The following MCF2L variants were observed in gnomAD, a reference collection of about 807,000 sequenced individuals.
The protein encoded by MCF2L is MCF.2 cell line derived transforming sequence like.
A neutral mutation model predicts 153.4 loss-of-function variants in MCF2L; 97 were observed. The observed-to-expected ratio is 0.63, with a 90% confidence interval of 0.54 to 0.75. The LOEUF (loss-of-function observed/expected upper bound fraction) is 0.75, where lower values mean the gene tolerates loss of function less well. MCF2L is among the 30% of genes least tolerant of loss of function. The probability of loss-of-function intolerance (pLI) is 0.00; values close to 1 mark genes in which losing one functional copy is unlikely to be tolerated. For synonymous variants in MCF2L, 659 were observed against 632.2 expected (o/e 1.04, Z -0.64); for missense variants, 1,347 against 1,495.2 (o/e 0.90, Z 1.64).
At chr13:112,979,021 G>A (rs975047229) in intron 1 of MCF2L, among the ~76,000 whole-genome samples, 1 of 152,242 alleles carries the variant, frequency 6.6e-6, no homozygotes, top group Non-Finnish European at 1.5e-5. Context: ...GGTGGGAGCT[G>A]CTGGCTTGGG....
intron 1 of MCF2L, among the ~76,000 whole-genome samples, chr13:112,990,057 C>T (rs995618622): frequency 3.9e-5 from 6 of 152,198 alleles, no homozygotes; most frequent in Non-Finnish European, 8.8e-5. Context: ...CTCACTCACC[C>T]GCCACTCACC....
intron 26 of MCF2L, chr13:113,091,004 G>C: frequency 8.0e-7 from 1 of 1,255,298 alleles, no homozygotes; most frequent in Non-Finnish European, 1.0e-6. Flanking sequence ...TCGGTGGAAA[G>C]GGGCCACAAC....
At chr13:113,038,464 CA>C (rs59638426) in intron 3 of MCF2L, among the ~76,000 whole-genome samples, 81,466 of 111,752 alleles carry the variant, frequency 0.73, 27,651 homozygotes, top group Middle Eastern at 0.83. Context: ...GCCTCCATCT[CA>C]AAAAAAAAAA....
At chr13:113,072,792 G>A (rs1169838153) in intron 9 of MCF2L, among the ~76,000 whole-genome samples, 1 of 151,908 alleles carries the variant, frequency 6.6e-6, no homozygotes, top group Non-Finnish European at 1.5e-5. Context: ...CAAAGAACTC[G>A]TTCTTTGTTT....
chr13:112,963,434 G>A (rs549679377), intron 2 of MCF2L, among the ~76,000 whole-genome samples: 7 of 152,292 alleles, frequency 4.6e-5, no homozygotes, highest in African/African-American at 1.4e-4. Context: ...ACTCCACAGC[G>A]CGGCATGGCT....
In MCF2L at chr13:113,097,636, T is replaced by C. The variant is rs1474509405; in HGVS notation, c.*777T>C. 3 of 149,838 alleles carry C rather than the reference T, an allele frequency of 2.0e-5. No homozygotes were observed. The highest frequency in any genetic ancestry group is 4.4e-5 in the Non-Finnish European group (3 of 67,786). 9.3% of individuals were successfully genotyped at this position (149,838 alleles called of 1,614,324 possible). ...TTTCAAAAGAAAATTTAAACTATAA[T>C]TTAAACAATTAACGTTCTTTTCTAC... On this transcript the variant is annotated 3_prime_UTR_variant, in exon 30 of 30. Coordinates refer to ENST00000535094, the MANE Select transcript of MCF2L (RefSeq NM_001112732.3).
chr13:113,036,090 T>C (rs1313169933), intron 3 of MCF2L, among the ~76,000 whole-genome samples: 4 of 152,176 alleles, frequency 2.6e-5, no homozygotes, highest in Non-Finnish European at 4.4e-5. Context: ...TTTGTTATTA[T>C]AGACAACACT....
chr13:113,042,761 C>G (rs577792411), intron 3 of MCF2L: 2 of 152,314 alleles, frequency 1.3e-5, no homozygotes, highest in African/African-American at 2.4e-5. Flanking sequence ...GGGGAGGGTG[C>G]GTTCTGGCTA....
At chr13:113,008,683 G>A (rs1566726733) in intron 1 of MCF2L, 1 of 152,208 alleles carries the variant, frequency 6.6e-6, no homozygotes, top group South Asian at 2.1e-4. Flanking sequence ...CCGTGACCAC[G>A]CCGAGGAAGA....
Position 113,064,822 on chromosome 13 carries a change from C to CGGT in MCF2L, c.607-113_607-111dup, listed in dbSNP as rs1274483589. On this transcript the variant is annotated intron_variant, in intron 6 of 29. Coordinates refer to ENST00000535094, the MANE Select transcript of MCF2L (RefSeq NM_001112732.3). This position sits in a 1 kb window ranked among gnomAD's most constrained non-coding sequence, Gnocchi z 6.0. Reference sequence around the variant, plus strand: ...GGGCGTTCACCGTCTTTGCGTCAGCCGGTCTCACCTGATGGGTCTGTGTGG... The same window carrying CGGT: ...GGGCGTTCACCGTCTTTGCGTCAGCCGGTGGTCTCACCTGATGGGTCTGTGTGG... 1 of 1,205,860 alleles carries CGGT rather than the reference C, an allele frequency of 8.3e-7. No homozygotes were observed. The highest frequency in any genetic ancestry group is 1.2e-6 in the Non-Finnish European group (1 of 866,626). 74.7% of individuals were successfully genotyped at this position (1,205,860 alleles called of 1,614,324 possible).
At chr13:112,987,283 A>T (rs1015988901) in intron 1 of MCF2L, among the ~76,000 whole-genome samples, 33 of 21,168 alleles carry the variant, frequency 1.6e-3, no homozygotes, top group Non-Finnish European at 6.3e-3. Flanking sequence ...GTCTGCAGCC[A>T]CGCAGAGGGT....
intron 14 of MCF2L, 69 bp downstream of exon 14, chr13:113,078,505 C>A: frequency 2.1e-6 from 3 of 1,455,568 alleles, no homozygotes; most frequent in Non-Finnish European, 2.9e-6. Context: ...CCTGGTTCTC[C>A]GTGTGGCCCC....
At chr13:113,087,640 C>T in intron 22 of MCF2L, 67 bp from the exon 23 acceptor site, 2 of 1,390,838 alleles carry the variant, frequency 1.4e-6, no homozygotes, top group Non-Finnish European at 2.0e-6. Flanking sequence ...CCTGCACCAA[C>T]ACCTTTTAAA....
intron 2 of MCF2L, chr13:112,957,424 T>C (rs1275123486): frequency 5.9e-5 from 9 of 152,214 alleles, no homozygotes; most frequent in Admixed American, 4.6e-4. Context: ...ACGATAGAGA[T>C]TTAGGATCTT....
At chr13:112,897,445 G>T (rs1394067852) in intron 1 of MCF2L, among the ~76,000 whole-genome samples, 1 of 152,198 alleles carries the variant, frequency 6.6e-6, no homozygotes, top group East Asian at 1.9e-4. Flanking sequence ...GCCCTGAAAG[G>T]TCGTCCCCAT....
chr13:112,968,280 G>A (rs1040158534), upstream of MCF2L, among the ~76,000 whole-genome samples: 3 of 152,216 alleles, frequency 2.0e-5, no homozygotes, highest in African/African-American at 7.2e-5. Context: ...TTAAGGAAGG[G>A]CATGTTACCT....
In MCF2L at chr13:112,932,214, C is replaced by T. The variant is rs557047163; in HGVS notation, c.169+29843C>T. Among the ~76,000 whole-genome samples, 3 of 148,998 alleles carry T rather than the reference C, an allele frequency of 2.0e-5. No homozygotes were observed. In the South Asian group the frequency reaches 6.5e-4, roughly 32 times the overall value. ...CCGATGGCGACCAGGCGTGTAGACT[C>T]GTGCCCTGGGTAAGGCGTGACCGGG... is the stretch of plus-strand genomic sequence containing the variant. On this transcript the variant is annotated intron_variant, in intron 2 of 29. Coordinates refer to the MCF2L transcript ENST00000375608. The surrounding 1 kb of genome is among the most constrained non-coding windows in gnomAD (Gnocchi z 4.6).
chr13:113,018,512 T>C lies in MCF2L; in HGVS notation c.163+3666T>C, dbSNP rs565190284. 1.1e-4 allele frequency among the ~76,000 whole-genome samples: 17 copies of C among 152,284 alleles called. No homozygotes were observed. The South Asian group carries it at 3.3e-3, about 30-fold the overall frequency. ...AGTCATCCGTTTGACTCTTTCTTAC[T>C]GAAGGCTGAGGGTTGGGGGGTGCAT... On this transcript the variant is annotated intron_variant, in intron 2 of 29. Transcript: ENST00000535094.
At chr13:113,072,293 T>C (rs2032996332) in intron 9 of MCF2L, among the ~76,000 whole-genome samples, 1 of 152,164 alleles carries the variant, frequency 6.6e-6, no homozygotes, top group African/African-American at 2.4e-5. Context: ...GACAGTTTGG[T>C]TTCTTCCTTT....
Sources: gnomAD v4.1 joint callset for allele counts (sites outside exome capture counted in the v4.1 genomes callset) on GRCh38, gnomAD v4.1.1 for gene constraint, Gnocchi (gnomAD v3.1) non-coding constraint, MANE v1.5 for transcripts, NCBI Gene and HGNC (gene_info 2026-07-23, HGNC 2026-07-21) for gene names.